EVC: variants seen among roughly 807,000 people sequenced by gnomAD.
EVC encodes the protein evC complex member EVC.
EVC carries 116 observed loss-of-function variants against 118.9 expected under a neutral mutation model. The ratio of observed to expected loss-of-function variants is 0.98; its 90% CI spans 0.84 to 1.14. EVC has a LOEUF of 1.14. Among genes scored for constraint, EVC ranks in the 50% most tolerant of loss-of-function variants. The pLI is 0.00. For missense variants in EVC, 1,401 were observed against 1,246.4 expected, an observed-to-expected ratio of 1.12 and a Z score of -1.87; for synonymous variants, 619 against 534.7, an observed-to-expected ratio of 1.16 and a Z score of -2.18.
At chr4:5,793,562 A>T (rs1193092592) in intron 12 of EVC, 46 bp from the exon 13 acceptor site, 2 of 1,467,044 alleles carry the variant, frequency 1.4e-6, no homozygotes, top group Non-Finnish European at 9.3e-7. Flanking sequence ...AGGATTGTTG[A>T]AGTGAGTAAC....
intron 2 of EVC, among the ~76,000 whole-genome samples, chr4:5,722,447 A>G (rs1725113383): frequency 6.6e-6 from 1 of 152,136 alleles, no homozygotes; most frequent in Non-Finnish European, 1.5e-5. Flanking sequence ...GAGCTTGTCA[A>G]AATATGTGGT....
At chr4:5,720,001 G>A (rs959167996) in intron 2 of EVC, among the ~76,000 whole-genome samples, 2 of 152,034 alleles carry the variant, frequency 1.3e-5, no homozygotes, top group African/African-American at 4.8e-5. Flanking sequence ...TTAAATCTCT[G>A]GGGGTGGGGG....
chr4:5,760,251 G>A (rs1731804242), intron 11 of EVC, among the ~76,000 whole-genome samples: 1 of 152,026 alleles, frequency 6.6e-6, no homozygotes, highest in African/African-American at 2.4e-5. Context: ...AGCGGGTGCT[G>A]GTAACTACAT....
chr4:5,762,196 C>A (rs1271431288), intron 11 of EVC, among the ~76,000 whole-genome samples: 2 of 119,642 alleles, frequency 1.7e-5, no homozygotes, highest in African/African-American at 6.1e-5. Flanking sequence ...ATGATGATTT[C>A]CAATTTCATC....
Position 5,753,013 on chromosome 4 carries a change from C to T in EVC, c.1276C>T (p.His426Tyr). The T allele has an allele frequency of 6.2e-7, 1 of 1,611,432 alleles. No individual in the cohort carries two copies. Among genetic ancestry groups the T allele is most frequent in the Non-Finnish European group, 8.5e-7 (1 of 1,179,026 alleles). Residue 426 changes from histidine (H) to tyrosine (Y), a missense_variant, in exon 9 of 21, where the codon CAC becomes TAC. By Grantham distance (83) the His-to-Tyr change is moderately conservative. Transcript: ENST00000264956. Reference protein sequence around the residue: ...RQKEELLTQQHKAFWQEAERF... With the variant: ...RQKEELLTQQYKAFWQEAERF... ...GAAGGAGGAGCTGCTCACGCAGCAG[C>T]ACAAGGCCTTCTGGCAGGAGGCAGA...
intron 9 of EVC, among the ~76,000 whole-genome samples, 167 bp from the exon 10 acceptor site, chr4:5,753,618 C>T (rs973884334): frequency 6.6e-5 from 10 of 152,156 alleles, no homozygotes; most frequent in African/African-American, 2.4e-4. Flanking sequence ...GGTCACACTA[C>T]TAGTGGGACC....
intron 3 of EVC, among the ~76,000 whole-genome samples, chr4:5,729,752 T>C (rs554076990): frequency 2.0e-5 from 3 of 152,206 alleles, no homozygotes; most frequent in East Asian, 1.9e-4. Flanking sequence ...TGAACACTTA[T>C]GTGGACAGGG....
At chr4:5,724,111 A>G (rs1017018476) in intron 2 of EVC, among the ~76,000 whole-genome samples, 4 of 152,236 alleles carry the variant, frequency 2.6e-5, no homozygotes, top group Admixed American at 2.6e-4. Flanking sequence ...TGGGCATGAT[A>G]ATAATAGTCC....
intron 5 of EVC, among the ~76,000 whole-genome samples, chr4:5,736,396 A>G (rs1457416787): frequency 2.0e-5 from 3 of 152,134 alleles, no homozygotes. Context: ...CAGTTTTGGT[A>G]CTGCACCATG....
At chr4:5,782,129 G>A (rs893910434) in intron 11 of EVC, among the ~76,000 whole-genome samples, 11 of 152,130 alleles carry the variant, frequency 7.2e-5, no homozygotes, top group African/African-American at 2.7e-4. Context: ...CCAAGTTGGA[G>A]TGCAGTGACA....
intron 14 of EVC, among the ~76,000 whole-genome samples, chr4:5,797,826 CAG>C (rs1030259260): frequency 3.3e-5 from 5 of 152,222 alleles, no homozygotes; most frequent in East Asian, 1.9e-4. Context: ...CATACGGAAT[CAG>C]AGGGGGACAG....
chr4:5,730,891 G>C (rs868483792), intron 3 of EVC, among the ~76,000 whole-genome samples: 1 of 146,458 alleles, frequency 6.8e-6, no homozygotes. Context: ...CAGGCCCCAG[G>C]CTGTGACCTC....
At position 5,753,797 on chromosome 4, in the gene EVC, G is replaced by A. The variant is rs35953626; in HGVS notation, c.1328G>A (p.Arg443Gln). 0.013 allele frequency: 20,670 copies of A among 1,614,078 alleles called. 2,137 individuals are homozygous for A. The African/African-American group carries it at 0.23, about 18-fold the overall frequency. ...AERFSREFVQ[R>Q]GKDLVTASLA... The stretch of plus-strand genomic sequence containing the variant: ...TTTTCAATCCCAGAGTTTGTCCAGC[G>A]AGGCAAAGACCTGGTCACGGCGTCT... The change falls in exon 10 of 21, where the codon CGA becomes CAA. Residue 443 changes from arginine to glutamine, a missense_variant. Arg to Gln is a conservative substitution (Grantham distance 43). Transcript: ENST00000264956.
At chr4:5,794,265 ATATT>A (rs1713377035) in intron 13 of EVC, among the ~76,000 whole-genome samples, 1 of 138,678 alleles carries the variant, frequency 7.2e-6, no homozygotes, top group South Asian at 2.2e-4. Flanking sequence ...ATGTATTTAT[ATATT>A]TATATATATT....
At chr4:5,801,768 G>T in intron 15 of EVC, 182 bp from the exon 16 acceptor site, 1 of 640,298 alleles carries the variant, frequency 1.6e-6, no homozygotes. Flanking sequence ...GACCTAAGAA[G>T]ATAGGATTCC....
intron 2 of EVC, among the ~76,000 whole-genome samples, chr4:5,723,310 C>T (rs1261035905): frequency 6.6e-6 from 1 of 152,000 alleles, no homozygotes; most frequent in Non-Finnish European, 1.5e-5. Context: ...CTGCCTCAGC[C>T]TCCTGAGTAG....
In EVC at chr4:5,789,531, A is replaced by C. The variant is rs936917086; in HGVS notation, c.1777-4077A>C. ...CCTAAAAACCCTCCCTGTTTCTAGG[A>C]GGACACTAACAAACTTTCAGCACAT... is the stretch of plus-strand genomic sequence containing the variant. On this transcript the variant is annotated intron_variant, in intron 12 of 20. Coordinates refer to ENST00000264956, the MANE Select transcript of EVC (RefSeq NM_153717.3). This position sits in a 1 kb window ranked among gnomAD's most constrained non-coding sequence, Gnocchi z 4.3. Among the ~76,000 whole-genome samples, 14 of 152,196 alleles carry C rather than the reference A, an allele frequency of 9.2e-5. No individual in the cohort carries two copies. Among genetic ancestry groups the C allele is most frequent in the African/African-American group, 2.9e-4 (12 of 41,446 alleles).
intron 12 of EVC, among the ~76,000 whole-genome samples, chr4:5,792,301 C>G (rs1403963379): frequency 6.6e-6 from 1 of 152,094 alleles, no homozygotes; most frequent in African/African-American, 2.4e-5. Flanking sequence ...GTTAGAAAGT[C>G]AAGTTAAGGA....
intron 2 of EVC, among the ~76,000 whole-genome samples, chr4:5,727,938 G>C (rs1235594323): frequency 2.7e-5 from 4 of 146,890 alleles, no homozygotes; most frequent in Non-Finnish European, 3.0e-5. Context: ...CTATATCTCT[G>C]TTTTGGTACA....
Sources: gnomAD v4.1 joint callset for allele counts (sites outside exome capture counted in the v4.1 genomes callset) on GRCh38, gnomAD v4.1.1 for gene constraint, Gnocchi (gnomAD v3.1) non-coding constraint, MANE v1.5 for transcripts, NCBI Gene and HGNC (gene_info 2026-07-23, HGNC 2026-07-21) for gene names.